LCLAT1: variants seen among roughly 807,000 people sequenced by gnomAD.
LCLAT1 encodes 1-AGP acyltransferase 8.
A neutral mutation model predicts 30.7 loss-of-function variants in LCLAT1; 11 were observed. That is an observed-to-expected ratio of 0.36 (90% CI 0.23 to 0.59). LCLAT1 has a LOEUF of 0.59. LCLAT1 is among the 20% of genes least tolerant of loss of function. LCLAT1 has a pLI of 0.77. For synonymous variants in LCLAT1, 155 were observed against 151.3 expected (o/e 1.02, Z -0.18); for missense variants, 402 against 458.6 (o/e 0.88, Z 1.13).
chr2:30,562,393 A>G, intron 4 of LCLAT1, 101 bp downstream of exon 4: 1 of 931,446 alleles, frequency 1.1e-6, no homozygotes, highest in South Asian at 2.4e-5. Context: ...TGGCTCTTCC[A>G]GGTGTGGTGG....
At chr2:30,461,562 A>G (rs1461312796) in intron 1 of LCLAT1, among the ~76,000 whole-genome samples, 1 of 151,890 alleles carries the variant, frequency 6.6e-6, no homozygotes, top group Non-Finnish European at 1.5e-5. Context: ...GGCCTGGCCC[A>G]GGTCTGATTT....
chr2:30,516,206 C>A (rs1004443596), intron 1 of LCLAT1, among the ~76,000 whole-genome samples: 2 of 152,194 alleles, frequency 1.3e-5, no homozygotes, highest in Non-Finnish European at 2.9e-5. Flanking sequence ...CTGGCAGTGG[C>A]AACCCCCTTT....
intron 5 of LCLAT1, among the ~76,000 whole-genome samples, chr2:30,602,921 G>C (rs1293483979): frequency 6.6e-6 from 1 of 152,064 alleles, no homozygotes; most frequent in East Asian, 1.9e-4. Flanking sequence ...CTTTCTTCCA[G>C]GAACAGCGGA....
chr2:30,624,416 G>A (rs1014335515), intron 5 of LCLAT1, among the ~76,000 whole-genome samples: 1 of 152,166 alleles, frequency 6.6e-6, no homozygotes, highest in South Asian at 2.1e-4. Context: ...AGGTAAAGGG[G>A]TGGGAAAGAT....
intron 1 of LCLAT1, 110 bp from the exon 2 acceptor site, chr2:30,525,477 C>A: frequency 1.2e-6 from 1 of 819,260 alleles, no homozygotes; most frequent in Non-Finnish European, 2.0e-6. Flanking sequence ...TTTCTTAGAG[C>A]CTTTCTGTAG....
intron 5 of LCLAT1, among the ~76,000 whole-genome samples, chr2:30,635,482 AC>A (rs1294695529): frequency 4.6e-5 from 7 of 152,228 alleles, no homozygotes; most frequent in Non-Finnish European, 1.0e-4. Flanking sequence ...TTAGTTTCTA[AC>A]ATTACAGTGT....
chr2:30,471,978 A>T (rs1682818382), intron 1 of LCLAT1, among the ~76,000 whole-genome samples: 3 of 152,332 alleles, frequency 2.0e-5, no homozygotes, highest in South Asian at 4.1e-4. Context: ...TTTATCCCTG[A>T]GCATGAAATA....
intron 3 of LCLAT1, among the ~76,000 whole-genome samples, chr2:30,558,287 G>A (rs980749877): frequency 2.6e-5 from 4 of 151,966 alleles, no homozygotes; most frequent in Non-Finnish European, 4.4e-5. Context: ...AAATCTGAAC[G>A]ACTAATTTGA....
intron 1 of LCLAT1, among the ~76,000 whole-genome samples, chr2:30,474,457 A>G (rs768834870): frequency 3.3e-5 from 5 of 152,142 alleles, no homozygotes; most frequent in South Asian, 2.1e-4. Context: ...GGGACTTGCT[A>G]TGTTGCCCAA....
At chr2:30,482,613 T>C (rs1230650358) in intron 1 of LCLAT1, among the ~76,000 whole-genome samples, 2 of 152,124 alleles carry the variant, frequency 1.3e-5, no homozygotes, top group Admixed American at 1.3e-4. Context: ...TGTGTAGTAA[T>C]GTAGTTACTG....
intron 3 of LCLAT1, among the ~76,000 whole-genome samples, chr2:30,548,537 G>C (rs951518702): frequency 4.6e-5 from 7 of 152,154 alleles, no homozygotes; most frequent in African/African-American, 1.7e-4. Context: ...TTAAGGTAAA[G>C]GATTGCGGAG....
intron 1 of LCLAT1, among the ~76,000 whole-genome samples, chr2:30,457,976 A>G (rs890087709): frequency 6.6e-6 from 1 of 152,126 alleles, no homozygotes; most frequent in Non-Finnish European, 1.5e-5. Context: ...AATTCTTTTT[A>G]AAAAACTCTT....
At chr2:30,454,668 C>T (rs199614662) in intron 1 of LCLAT1, among the ~76,000 whole-genome samples, 1 of 151,590 alleles carries the variant, frequency 6.6e-6, no homozygotes, top group Non-Finnish European at 1.5e-5. Flanking sequence ...GGGCTGGTCC[C>T]GAACTCCTGA....
At chr2:30,633,609 C>T (rs749054419) in intron 5 of LCLAT1, among the ~76,000 whole-genome samples, 10 of 152,096 alleles carry the variant, frequency 6.6e-5, no homozygotes, top group South Asian at 2.1e-4. Flanking sequence ...TGCTTGAACC[C>T]GGGAGGCGGA....
At chr2:30,494,777 T>C (rs529289302) in intron 1 of LCLAT1, among the ~76,000 whole-genome samples, 8 of 151,908 alleles carry the variant, frequency 5.3e-5, no homozygotes, top group Non-Finnish European at 1.2e-4. Context: ...CATGGAAAAA[T>C]TGATCAGTTG....
intron 5 of LCLAT1, among the ~76,000 whole-genome samples, chr2:30,595,979 G>A (rs1666912217): frequency 6.6e-6 from 1 of 152,076 alleles, no homozygotes; most frequent in Non-Finnish European, 1.5e-5. Context: ...TCTCACTCCT[G>A]TTGATGACAA....
chr2:30,488,260 C>G (rs75028277), intron 1 of LCLAT1, among the ~76,000 whole-genome samples: 2,770 of 152,282 alleles, frequency 0.018, 80 homozygotes, highest in African/African-American at 0.062. Context: ...AAATTTGTAT[C>G]AGATTACTTT....
intron 5 of LCLAT1, among the ~76,000 whole-genome samples, chr2:30,587,625 A>T (rs917237119): frequency 6.6e-6 from 1 of 152,234 alleles, no homozygotes; most frequent in Non-Finnish European, 1.5e-5. Context: ...TTGATTTTTC[A>T]AAGACAACAG....
chr2:30,494,758 TCC>T (rs1322111003), intron 1 of LCLAT1, among the ~76,000 whole-genome samples: 2 of 151,962 alleles, frequency 1.3e-5, no homozygotes, highest in Admixed American at 6.6e-5. Flanking sequence ...CTGTATGCTG[TCC>T]CCTGCTCATG....
Sources: allele counts gnomAD v4.1 joint callset (sites outside exome capture counted in the v4.1 genomes callset), GRCh38; gene constraint gnomAD v4.1.1; transcripts MANE v1.5; gene names NCBI Gene and HGNC (gene_info 2026-07-23, HGNC 2026-07-21).